The following LRP1B variants were observed in gnomAD, a reference collection of about 807,000 sequenced individuals.
LRP1B encodes low-density lipoprotein receptor-related protein 1B.
In LRP1B, 217 loss-of-function variants were observed where a neutral mutation model predicts 556.6. That is an observed-to-expected ratio of 0.39 (90% CI 0.35 to 0.44). LRP1B has a LOEUF of 0.44. LRP1B is among the 20% of genes least tolerant of loss of function. The pLI is 1.00. For missense variants in LRP1B, 5,053 were observed against 5,620.8 expected, an observed-to-expected ratio of 0.90 and a Z score of 3.23; for synonymous variants, 2,047 against 1,865.8, an observed-to-expected ratio of 1.10 and a Z score of -2.50.
intron 3 of LRP1B, among the ~76,000 whole-genome samples, chr2:141,273,954 T>A (rs1473995819): frequency 1.3e-5 from 2 of 152,156 alleles, no homozygotes; most frequent in Middle Eastern, 3.2e-3. Flanking sequence ...AATAAACACA[T>A]AAATGGATAT....
intron 35 of LRP1B, 63 bp from the exon 36 acceptor site, chr2:140,716,879 G>T: frequency 1.0e-6 from 1 of 966,828 alleles, no homozygotes; most frequent in Non-Finnish European, 1.5e-6. Context: ...CAATATCGGT[G>T]TTAGGATCAT....
chr2:141,237,275 G>T (rs76421381), intron 5 of LRP1B, among the ~76,000 whole-genome samples: 6,563 of 151,680 alleles, frequency 0.043, 162 homozygotes, highest in South Asian at 0.095. Flanking sequence ...TTTTAGAGAA[G>T]ATGATGATTT....
At chr2:140,507,536 T>G (rs1689471942) in intron 52 of LRP1B, among the ~76,000 whole-genome samples, 1 of 152,134 alleles carries the variant, frequency 6.6e-6, no homozygotes, top group Admixed American at 6.5e-5. Context: ...ATTGACCCTT[T>G]AGGAATATTG....
At chr2:140,807,086 A>G (rs969493023) in intron 32 of LRP1B, among the ~76,000 whole-genome samples, 3 of 152,326 alleles carry the variant, frequency 2.0e-5, no homozygotes, top group Non-Finnish European at 2.9e-5. Context: ...TAAAAACTGA[A>G]CAGTGACTTG....
At chr2:141,803,816 A>G in intron 2 of LRP1B, among the ~76,000 whole-genome samples, 1 of 152,316 alleles carries the variant, frequency 6.6e-6, no homozygotes, top group East Asian at 1.9e-4. Flanking sequence ...TAGAAAGTTC[A>G]GAAGGAAATT....
chr2:141,095,789 C>G (rs957062592), intron 7 of LRP1B, among the ~76,000 whole-genome samples: 2 of 152,074 alleles, frequency 1.3e-5, no homozygotes, highest in African/African-American at 2.4e-5. Flanking sequence ...CTTGTTTCAG[C>G]AGGTGTTGCT....
At chr2:140,701,574 A>G (rs1686642863) in intron 40 of LRP1B, 147 bp downstream of exon 40, 3 of 766,978 alleles carry the variant, frequency 3.9e-6, no homozygotes, top group Non-Finnish European at 6.1e-6. Context: ...TTAGGCTACT[A>G]TATGATACTT....
rs564540035 is a variant in LRP1B at position 141,068,557 on chromosome 2, C to CAAAA, written c.1014-6288_1014-6285dup. ...TCCTCCTGACTGCACATGTGGTTGG[C>CAAAA]AAAAAAAAAAAAAAAAAAAAGGAAA... On this transcript the variant is annotated intron_variant, in intron 7 of 90. Coordinates refer to ENST00000389484, the MANE Select transcript of LRP1B (RefSeq NM_018557.3). Among the ~76,000 whole-genome samples, 126 of 71,550 alleles carry CAAAA rather than the reference C, an allele frequency of 1.8e-3. 2 individuals carry two copies. Among genetic ancestry groups the CAAAA allele is most frequent in the South Asian group, 4.5e-3 (11 of 2,438 alleles). 46.9% of individuals were successfully genotyped at this position (71,550 alleles called of 152,430 possible). A position where few individuals can be genotyped will look rare whatever the true frequency, so the allele number is the denominator to read the frequency against.
At chr2:141,045,724 C>T (rs1334580639) in intron 11 of LRP1B, among the ~76,000 whole-genome samples, 1 of 152,012 alleles carries the variant, frequency 6.6e-6, no homozygotes, top group Non-Finnish European at 1.5e-5. Context: ...GCATTCCTAT[C>T]ACCTAGAACA....
intron 1 of LRP1B, among the ~76,000 whole-genome samples, chr2:141,929,170 C>A (rs1156875790): frequency 6.6e-6 from 1 of 152,012 alleles, no homozygotes; most frequent in African/African-American, 2.4e-5. Flanking sequence ...TCCAGAGACA[C>A]TCACATATGA....
chr2:140,465,932 C>A (rs1196536828), intron 60 of LRP1B, among the ~76,000 whole-genome samples: 1 of 151,964 alleles, frequency 6.6e-6, no homozygotes, highest in Non-Finnish European at 1.5e-5. Flanking sequence ...TTGTAAACAG[C>A]AGCACATCAA....
intron 2 of LRP1B, among the ~76,000 whole-genome samples, chr2:141,726,331 A>C (rs941919854): frequency 7.3e-5 from 11 of 151,720 alleles, no homozygotes; most frequent in Non-Finnish European, 1.0e-4. Context: ...AAAAAAAATT[A>C]TTTTGATTTT....
At chr2:141,053,834 G>GTGTGTA (rs1699106623) in intron 10 of LRP1B, among the ~76,000 whole-genome samples, 1 of 151,582 alleles carries the variant, frequency 6.6e-6, no homozygotes, top group South Asian at 2.1e-4. Flanking sequence ...ATATATGTGT[G>GTGTGTA]TGTGTGTGTG....
chr2:140,929,947 A>C (rs1695001769), intron 20 of LRP1B, among the ~76,000 whole-genome samples: 1 of 152,082 alleles, frequency 6.6e-6, no homozygotes, highest in African/African-American at 2.4e-5. Flanking sequence ...ATGAGGTTTT[A>C]TTATCTCTTG....
chr2:141,016,922 G>GA (rs781205303), intron 12 of LRP1B, among the ~76,000 whole-genome samples: 26 of 152,100 alleles, frequency 1.7e-4, no homozygotes, highest in Non-Finnish European at 3.5e-4. Context: ...CTGTCACCAT[G>GA]ACGAAAAATC....
At chr2:141,668,888 A>T (rs1690552792) in intron 2 of LRP1B, among the ~76,000 whole-genome samples, 1 of 152,124 alleles carries the variant, frequency 6.6e-6, no homozygotes, top group South Asian at 2.1e-4. Context: ...CCTGGCTCCT[A>T]CACCTGCCCG....
intron 43 of LRP1B, among the ~76,000 whole-genome samples, chr2:140,582,435 C>T (rs75967714): frequency 0.019 from 2,864 of 152,272 alleles, 97 homozygotes; most frequent in African/African-American, 0.064. Flanking sequence ...ATAATTGGTG[C>T]TACGGTTCGA....
intron 86 of LRP1B, among the ~76,000 whole-genome samples, chr2:140,258,127 C>T (rs982159588): frequency 1.2e-4 from 18 of 152,094 alleles, no homozygotes; most frequent in African/African-American, 3.9e-4. Context: ...TCTCCAATAC[C>T]TGTGCATTTT....
At chr2:140,556,569 T>A (rs927806244) in intron 43 of LRP1B, among the ~76,000 whole-genome samples, 2 of 152,114 alleles carry the variant, frequency 1.3e-5, no homozygotes, top group African/African-American at 4.8e-5. Flanking sequence ...TTAAAAGTTA[T>A]ATAAAATAAA....
Sources: allele counts gnomAD v4.1 joint callset (sites outside exome capture counted in the v4.1 genomes callset), GRCh38; gene constraint gnomAD v4.1.1; transcripts MANE v1.5; gene names NCBI Gene and HGNC (gene_info 2026-07-23, HGNC 2026-07-21).